The following LRMDA variants were observed in gnomAD, a reference collection of about 807,000 sequenced individuals.
LRMDA encodes leucine-rich melanocyte differentiation-associated protein.
LRMDA carries 18 observed loss-of-function variants against 29.8 expected under a neutral mutation model. The ratio of observed to expected loss-of-function variants is 0.60; its 90% CI spans 0.42 to 0.90. LRMDA has a LOEUF of 0.90. Ranked by LOEUF, LRMDA falls within the 40% of genes least tolerant of loss-of-function variation. The probability of loss-of-function intolerance (pLI) is 0.00; values close to 1 mark genes in which losing one functional copy is unlikely to be tolerated. For missense variants in LRMDA, 273 were observed against 273.9 expected (o/e 1.00, Z 0.02); for synonymous variants, 125 against 109.4 (o/e 1.14, Z -0.89).
At chr10:75,793,926 A>G (rs1166091741) in intron 2 of LRMDA, among the ~76,000 whole-genome samples, 2 of 152,252 alleles carry the variant, frequency 1.3e-5, no homozygotes, top group East Asian at 3.9e-4. Context: ...TTTATGGACC[A>G]TGCAGTCTCT....
intron 2 of LRMDA, among the ~76,000 whole-genome samples, chr10:75,491,924 G>T (rs920448220): frequency 2.0e-5 from 3 of 152,138 alleles, no homozygotes; most frequent in African/African-American, 7.2e-5. Flanking sequence ...ACAAGCATAG[G>T]GTTGATATCC....
chr10:76,234,843 ATGGT>A (rs773364168), intron 5 of LRMDA, among the ~76,000 whole-genome samples: 2 of 152,216 alleles, frequency 1.3e-5, no homozygotes, highest in Non-Finnish European at 2.9e-5. Flanking sequence ...AGGAAATGTC[ATGGT>A]TGGTTTGATC....
In LRMDA at chr10:75,721,003, A is replaced by G. The variant is rs559859023; in HGVS notation, c.131+282509A>G. 1.4e-4 allele frequency among the ~76,000 whole-genome samples: 21 copies of G among 152,352 alleles called. No homozygotes were observed. The South Asian group carries it at 4.3e-3, about 32-fold the overall frequency. On this transcript the variant is annotated intron_variant, in intron 2 of 6. Coordinates refer to ENST00000611255, the MANE Select transcript of LRMDA (RefSeq NM_001305581.2). Reference sequence around the variant, plus strand: ...GACTCTGTTTTAACTATGCCGTGCCATCTTGTGGGTACACAGAATGCCGTG... The same window carrying G: ...GACTCTGTTTTAACTATGCCGTGCCGTCTTGTGGGTACACAGAATGCCGTG...
intron 6 of LRMDA, among the ~76,000 whole-genome samples, chr10:76,460,396 A>G (rs1842500083): frequency 6.6e-6 from 1 of 152,254 alleles, no homozygotes; most frequent in Admixed American, 6.5e-5. Flanking sequence ...CCAAAATCAC[A>G]CTTGAGGAGG....
At chr10:75,925,447 A>G (rs1757797855) in intron 2 of LRMDA, among the ~76,000 whole-genome samples, 2 of 152,218 alleles carry the variant, frequency 1.3e-5, no homozygotes, top group African/African-American at 4.8e-5. Context: ...TTTATTGTAC[A>G]GAAATATTTT....
At chr10:76,478,480 T>A (rs1227081897) in intron 6 of LRMDA, among the ~76,000 whole-genome samples, 2 of 152,116 alleles carry the variant, frequency 1.3e-5, no homozygotes, top group East Asian at 3.9e-4. Context: ...ATTGTGGAAG[T>A]CAGTGTGGCA....
rs141273578 is a variant in LRMDA, at chr10:75,617,346, C to T, written c.131+178852C>T. The stretch of plus-strand genomic sequence containing the variant: ...GAAGGAGTGTGCTCTTATCATTTAG[C>T]AAATGGCTGGTTGGGAGTACATGGT... On this transcript the variant is annotated intron_variant, in intron 2 of 6. Coordinates refer to ENST00000611255, the MANE Select transcript of LRMDA (RefSeq NM_001305581.2). Among the ~76,000 whole-genome samples the T allele has an allele frequency of 6.1e-3, 933 of 152,224 alleles. 9 individuals carry two copies. Among genetic ancestry groups the T allele is most frequent in the African/African-American group, 0.02 (837 of 41,544 alleles).
intron 2 of LRMDA, among the ~76,000 whole-genome samples, chr10:75,477,303 A>G (rs1054649116): frequency 1.3e-5 from 2 of 151,880 alleles, no homozygotes; most frequent in Admixed American, 6.6e-5. Flanking sequence ...CACCCTAATA[A>G]CCTCATTTTA....
intron 5 of LRMDA, among the ~76,000 whole-genome samples, chr10:76,176,329 G>T (rs915333249): frequency 2.0e-5 from 3 of 152,176 alleles, no homozygotes; most frequent in Admixed American, 6.5e-5. Flanking sequence ...ACCAAGAAGG[G>T]ATAAGATCAA....
intron 5 of LRMDA, among the ~76,000 whole-genome samples, chr10:76,205,015 T>C (rs1851508400): frequency 6.6e-6 from 1 of 152,128 alleles, no homozygotes; most frequent in Non-Finnish European, 1.5e-5. Context: ...CCCCACATAA[T>C]AAGTAGTCAT....
intron 6 of LRMDA, among the ~76,000 whole-genome samples, chr10:76,504,213 T>A (rs900086150): frequency 2.0e-5 from 3 of 152,020 alleles, no homozygotes; most frequent in African/African-American, 7.2e-5. Flanking sequence ...TGATATCAAC[T>A]TTTTTGAATT....
intron 2 of LRMDA, among the ~76,000 whole-genome samples, chr10:75,911,732 C>T (rs984012514): frequency 6.6e-6 from 1 of 152,122 alleles, no homozygotes; most frequent in Non-Finnish European, 1.5e-5. Context: ...TCTACTGTGT[C>T]AGATAGAAAA....
At chr10:75,886,507 G>T (rs1462349682) in intron 2 of LRMDA, among the ~76,000 whole-genome samples, 3 of 152,118 alleles carry the variant, frequency 2.0e-5, no homozygotes, top group African/African-American at 7.2e-5. Context: ...GATCTTGTTT[G>T]TCATGTAAAG....
chr10:75,480,509 T>C (rs969635872), intron 2 of LRMDA, among the ~76,000 whole-genome samples: 1 of 152,176 alleles, frequency 6.6e-6, no homozygotes, highest in African/African-American at 2.4e-5. Context: ...TAAGGTGGCC[T>C]TGGGAGCTGA....
chr10:75,610,323 C>T (rs1311369934), intron 2 of LRMDA, among the ~76,000 whole-genome samples: 1 of 151,924 alleles, frequency 6.6e-6, no homozygotes, highest in East Asian at 1.9e-4. Flanking sequence ...GACACAGACA[C>T]ACACCACACC....
At chr10:76,406,463 TG>T (rs1195121930) in intron 6 of LRMDA, among the ~76,000 whole-genome samples, 1 of 152,228 alleles carries the variant, frequency 6.6e-6, no homozygotes, top group Non-Finnish European at 1.5e-5. Context: ...AGCAGTAAGA[TG>T]TATAGGCAGT....
At chr10:76,516,339 T>TA (rs1379692962) in intron 6 of LRMDA, among the ~76,000 whole-genome samples, 1 of 132,562 alleles carries the variant, frequency 7.5e-6, no homozygotes, top group African/African-American at 2.5e-5. Flanking sequence ...AAGTTTTTTT[T>TA]AAAATTATTT....
chr10:76,489,932 C>T lies in LRMDA; in HGVS notation c.602-67277C>T, dbSNP rs185258761. Among the ~76,000 whole-genome samples the T allele has an allele frequency of 7.1e-3, 1,077 of 151,990 alleles. 7 individuals carry two copies. Among genetic ancestry groups the T allele is most frequent in the Admixed American group, 0.012 (184 of 15,226 alleles). ...CATGATTGTAAGTTTCCTGAGGCCT[C>T]CTCAGCCATGCAGATCTGTGAGTCA... On this transcript the variant is annotated intron_variant, in intron 6 of 6. Transcript: ENST00000611255.
At chr10:75,545,120 C>G (rs1256060548) in intron 2 of LRMDA, among the ~76,000 whole-genome samples, 3 of 152,158 alleles carry the variant, frequency 2.0e-5, no homozygotes, top group African/African-American at 4.8e-5. Context: ...GTGGTTGCTG[C>G]TGGTATGTAG....
Sources: gnomAD v4.1 joint callset for allele counts (sites outside exome capture counted in the v4.1 genomes callset) on GRCh38, gnomAD v4.1.1 for gene constraint, MANE v1.5 for transcripts, NCBI Gene and HGNC (gene_info 2026-07-23, HGNC 2026-07-21) for gene names.